Variants in KLHL32 observed in about 807,000 individuals in gnomAD.
The protein encoded by KLHL32 is kelch-like protein 32.
A neutral mutation model predicts 64.8 loss-of-function variants in KLHL32; 35 were observed. The ratio of observed to expected loss-of-function variants is 0.54; its 90% confidence interval spans 0.41 to 0.72. The LOEUF is 0.72. KLHL32 is among the 30% of genes least tolerant of loss of function. The pLI is 0.00. For synonymous variants in KLHL32, 259 were observed against 281.0 expected (o/e 0.92, Z 0.78); for missense variants, 589 against 768.5 (o/e 0.77, Z 2.76).
chr6:97,104,719 G>T (rs542398128), intron 6 of KLHL32, among the ~76,000 whole-genome samples: 1 of 152,244 alleles, frequency 6.6e-6, no homozygotes, highest in African/African-American at 2.4e-5. Flanking sequence ...AAATGTTGAC[G>T]CAGTTTTAAT....
intron 7 of KLHL32, among the ~76,000 whole-genome samples, chr6:97,123,737 A>G (rs1798604426): frequency 6.6e-6 from 1 of 152,176 alleles, no homozygotes; most frequent in Non-Finnish European, 1.5e-5. Context: ...TCTATAAAAT[A>G]TACTCGATAG....
chr6:97,043,880 G>A (rs1737651), intron 4 of KLHL32, among the ~76,000 whole-genome samples: 26,029 of 151,928 alleles, frequency 0.17, 2,583 homozygotes, highest in African/African-American at 0.29. Context: ...TCCTTTGCCA[G>A]CTTTTTGATT....
intron 6 of KLHL32, among the ~76,000 whole-genome samples, chr6:97,095,075 AT>A (rs1279430389): frequency 2.0e-5 from 3 of 152,226 alleles, no homozygotes; most frequent in African/African-American, 7.2e-5. Flanking sequence ...TTACAATGTA[AT>A]TTGGCATTAA....
chr6:97,021,652 G>A (rs1040748442), intron 3 of KLHL32, among the ~76,000 whole-genome samples: 2 of 150,828 alleles, frequency 1.3e-5, no homozygotes, highest in Non-Finnish European at 2.9e-5. Context: ...AACACCTGTG[G>A]CAAGTCAAAT....
intron 3 of KLHL32, among the ~76,000 whole-genome samples, chr6:97,020,976 T>C (rs1432953377): frequency 6.6e-6 from 1 of 150,870 alleles, no homozygotes; most frequent in Non-Finnish European, 1.5e-5. Context: ...GATGATGTAT[T>C]ATATAGGGTA....
intron 4 of KLHL32, among the ~76,000 whole-genome samples, chr6:97,046,324 C>T (rs1195490095): frequency 5.9e-5 from 9 of 152,152 alleles, no homozygotes; most frequent in Admixed American, 5.2e-4. Context: ...TATATTTTGG[C>T]CCAATTAGTC....
chr6:97,109,080 A>G (rs952676906), intron 6 of KLHL32, among the ~76,000 whole-genome samples: 14 of 152,324 alleles, frequency 9.2e-5, no homozygotes, highest in African/African-American at 3.4e-4. Context: ...TGGCATATGC[A>G]ACAAGGACTT....
rs1174470134 is a variant in KLHL32 at position 97,086,808 on chromosome 6, A to C, written c.627+1467A>C. 2.6e-5 allele frequency among the ~76,000 whole-genome samples: 4 copies of C among 152,240 alleles called. No homozygotes were observed. In the East Asian group the frequency reaches 5.8e-4, roughly 22 times the overall value. On this transcript the variant is annotated intron_variant, in intron 6 of 10. Coordinates refer to ENST00000369261, the MANE Select transcript of KLHL32 (RefSeq NM_052904.4). The stretch of plus-strand genomic sequence containing the variant: ...TTATAAACACAAATCAACAGAATTT[A>C]CTTTGGTCAATTCAAAATGGGAAGT...
chr6:97,081,247 GA>G (rs1792465637), intron 5 of KLHL32, among the ~76,000 whole-genome samples: 2 of 152,130 alleles, frequency 1.3e-5, no homozygotes, highest in Admixed American at 6.5e-5. Flanking sequence ...GCAGGCTTAT[GA>G]TTGGCTAGTT....
chr6:97,037,409 T>C (rs1370539389), intron 3 of KLHL32, among the ~76,000 whole-genome samples: 1 of 152,036 alleles, frequency 6.6e-6, no homozygotes, highest in Admixed American at 6.6e-5. Flanking sequence ...AAAAATAACA[T>C]TTGTTAAAAT....
At chr6:97,024,007 T>C (rs1782372909) in intron 3 of KLHL32, among the ~76,000 whole-genome samples, 2 of 152,228 alleles carry the variant, frequency 1.3e-5, no homozygotes, top group South Asian at 4.1e-4. Context: ...AAAATGTGCT[T>C]AATTTGTCAC....
intron 4 of KLHL32, among the ~76,000 whole-genome samples, chr6:97,060,642 G>C (rs1219863237): frequency 6.6e-6 from 1 of 152,186 alleles, no homozygotes. Context: ...CTTCATTGGA[G>C]ATCATGCAAA....
chr6:97,051,272 G>A (rs949890915), intron 4 of KLHL32, among the ~76,000 whole-genome samples: 3 of 152,120 alleles, frequency 2.0e-5, no homozygotes, highest in Non-Finnish European at 4.4e-5. Context: ...TGGATTTGTT[G>A]TTCTTTCCTC....
At chr6:97,029,182 T>C (rs187523316) in intron 3 of KLHL32, among the ~76,000 whole-genome samples, 7 of 152,312 alleles carry the variant, frequency 4.6e-5, no homozygotes, top group Middle Eastern at 3.4e-3. Flanking sequence ...CGTTGAAACA[T>C]GGCCACATTC....
chr6:96,956,352 C>A (rs1044712569), intron 1 of KLHL32, among the ~76,000 whole-genome samples: 1 of 152,208 alleles, frequency 6.6e-6, no homozygotes, highest in African/African-American at 2.4e-5. Flanking sequence ...ATGAAGGTCA[C>A]ATAAGCACTA....
chr6:97,070,127 A>G (rs1933463), intron 5 of KLHL32, among the ~76,000 whole-genome samples: 119,281 of 152,032 alleles, frequency 0.78, 46,946 homozygotes, highest in East Asian at 0.93. Context: ...TATATTTAAT[A>G]TACTCATAAT....
intron 3 of KLHL32, among the ~76,000 whole-genome samples, chr6:97,017,739 G>A (rs954444248): frequency 2.0e-5 from 3 of 152,134 alleles, no homozygotes; most frequent in East Asian, 1.9e-4. Flanking sequence ...TTGTATCTAG[G>A]TGGGGCCATA....
chr6:96,926,303 G>A (rs1197419617), intron 1 of KLHL32, among the ~76,000 whole-genome samples: 1 of 152,224 alleles, frequency 6.6e-6, no homozygotes, highest in Non-Finnish European at 1.5e-5. Context: ...CATAGAGAGT[G>A]TAATAAATAA....
At chr6:97,089,902 T>A (rs1793981566) in intron 6 of KLHL32, among the ~76,000 whole-genome samples, 1 of 152,142 alleles carries the variant, frequency 6.6e-6, no homozygotes. Context: ...ACCAAAAAAT[T>A]TGCTGGCTAT....
Sources: allele counts gnomAD v4.1 joint callset (sites outside exome capture counted in the v4.1 genomes callset), GRCh38; gene constraint gnomAD v4.1.1; transcripts MANE v1.5; gene names NCBI Gene and HGNC (gene_info 2026-07-23, HGNC 2026-07-21).